SLC38A6: variants seen among roughly 807,000 people sequenced by gnomAD.
SLC38A6 encodes N system amino acid transporter NAT-1.
A neutral mutation model predicts 65.0 loss-of-function variants in SLC38A6; 73 were observed. The ratio of observed to expected loss-of-function variants is 1.12; its 90% CI spans 0.93 to 1.37. The LOEUF (loss-of-function observed/expected upper bound fraction) is 1.37. Ranked by LOEUF, SLC38A6 falls within the 40% of genes most tolerant of loss-of-function variation. SLC38A6 has a pLI of 0.00. For missense variants in SLC38A6, 561 were observed against 531.1 expected, an observed-to-expected ratio of 1.06 and a Z score of -0.55; for synonymous variants, 183 against 178.8, an observed-to-expected ratio of 1.02 and a Z score of -0.19.
At chr14:61,048,808 A>G (rs2042323850) in intron 12 of SLC38A6, among the ~76,000 whole-genome samples, 1 of 152,186 alleles carries the variant, frequency 6.6e-6, no homozygotes, top group African/African-American at 2.4e-5. Context: ...CAAATGTTGC[A>G]TAATAACCAG....
intron 8 of SLC38A6, among the ~76,000 whole-genome samples, chr14:61,038,422 A>T (rs1260146614): frequency 6.6e-6 from 1 of 152,136 alleles, no homozygotes; most frequent in Non-Finnish European, 1.5e-5. Flanking sequence ...AGTTTATTCC[A>T]TAATCAGTAT....
chr14:61,043,113 A>G, intron 8 of SLC38A6, 34 bp from the exon 9 acceptor site: 1 of 1,305,446 alleles, frequency 7.7e-7, no homozygotes, highest in East Asian at 2.4e-5. Context: ...TTTATAAGAA[A>G]TGATCTGAGT....
intron 3 of SLC38A6, among the ~76,000 whole-genome samples, chr14:61,015,398 C>G (rs1361006852): frequency 2.6e-5 from 4 of 152,146 alleles, no homozygotes; most frequent in Admixed American, 6.5e-5. Context: ...CCTGCACCCA[C>G]TGTCCAACAC....
chr14:61,010,208 C>G (rs562877827), intron 3 of SLC38A6, among the ~76,000 whole-genome samples: 3 of 152,100 alleles, frequency 2.0e-5, no homozygotes, highest in Admixed American at 6.6e-5. Context: ...TCATATCCTT[C>G]GCCCACTTGT....
At chr14:61,073,099 T>C (rs531066957) in intron 15 of SLC38A6, among the ~76,000 whole-genome samples, 1 of 152,352 alleles carries the variant, frequency 6.6e-6, no homozygotes, top group South Asian at 2.1e-4. Context: ...TGAGATGATA[T>C]GGCAATTTTG....
chr14:61,072,668 A>T lies in SLC38A6; in HGVS notation c.1291-6142A>T, dbSNP rs35491754. 6.0e-3 allele frequency among the ~76,000 whole-genome samples: 913 copies of T among 152,298 alleles called. 4 individuals carry two copies. Among genetic ancestry groups the T allele is most frequent in the Non-Finnish European group, 0.01 (684 of 68,034 alleles). ...TGTCTGGTTTATTTCACTTAACATA[A>T]TGGTCTCCAGTTCCATCCATGTTGT... On this transcript the variant is annotated intron_variant, in intron 15 of 16. Transcript: ENST00000354886.
In SLC38A6 at chr14:60,981,247, A is replaced by G. The variant is rs776444642; in HGVS notation, c.-31A>G. 1.4e-5 allele frequency: 22 copies of G among 1,573,610 alleles called. No individual in the cohort carries two copies. Among genetic ancestry groups the G allele is most frequent in the Non-Finnish European group, 1.9e-5 (22 of 1,159,474 alleles). ...GCGCAGGGCAGGGGTAGAGGCTCGT[A>G]GATGGAACTGGTAGTCAGCTGGAGA... is the stretch of plus-strand genomic sequence containing the variant. On this transcript the variant is annotated 5_prime_UTR_variant, in exon 1 of 16. Coordinates refer to ENST00000267488, the MANE Select transcript of SLC38A6 (RefSeq NM_153811.3).
chr14:60,997,481 C>T (rs971785267), intron 3 of SLC38A6, among the ~76,000 whole-genome samples: 4 of 152,162 alleles, frequency 2.6e-5, no homozygotes, highest in South Asian at 2.1e-4. Flanking sequence ...GCACAGTCCT[C>T]GCTCCAGGTC....
intron 13 of SLC38A6, among the ~76,000 whole-genome samples, chr14:61,051,583 A>G (rs1293032726): frequency 2.6e-5 from 4 of 152,148 alleles, no homozygotes; most frequent in Non-Finnish European, 5.9e-5. Flanking sequence ...AAAGCTAAGT[A>G]TTTTTATGAA....
At chr14:60,993,276 G>T (rs1456802288) in intron 3 of SLC38A6, among the ~76,000 whole-genome samples, 3 of 152,186 alleles carry the variant, frequency 2.0e-5, no homozygotes, top group Non-Finnish European at 4.4e-5. Flanking sequence ...GAGGCACTGA[G>T]TGATTAACTA....
intron 13 of SLC38A6, among the ~76,000 whole-genome samples, 179 bp downstream of exon 13, chr14:61,050,815 A>G (rs1361248565): frequency 6.6e-6 from 1 of 152,200 alleles, no homozygotes; most frequent in African/African-American, 2.4e-5. Context: ...TAAAAATAAC[A>G]GTGAGCCACT....
At chr14:61,080,107 A>G (rs2043585662) in intron 16 of SLC38A6, among the ~76,000 whole-genome samples, 1 of 152,230 alleles carries the variant, frequency 6.6e-6, no homozygotes, top group Admixed American at 6.5e-5. Flanking sequence ...TTAAAAGGCA[A>G]TAACAACAAC....
At chr14:61,083,624 T>C (rs1359988183) in exon 17 of SLC38A6, 2 of 1,550,498 alleles carry the variant, frequency 1.3e-6, no homozygotes, top group South Asian at 1.2e-5. Flanking sequence ...GGCAACTGTT[T>C]ACAAGCCAAG....
intron 5 of SLC38A6, among the ~76,000 whole-genome samples, chr14:61,023,210 T>C (rs755058660): frequency 6.6e-6 from 1 of 152,196 alleles, no homozygotes; most frequent in Non-Finnish European, 1.5e-5. Context: ...TTTAGAATTA[T>C]ATAAAAATTT....
downstream of SLC38A6, among the ~76,000 whole-genome samples, chr14:61,054,049 T>C (rs1421941214): frequency 6.6e-6 from 1 of 152,196 alleles, no homozygotes; most frequent in Non-Finnish European, 1.5e-5. Context: ...TTGATTTTTA[T>C]ATATGGTATA....
At chr14:61,015,177 G>A (rs1300115795) in intron 3 of SLC38A6, among the ~76,000 whole-genome samples, 5 of 152,198 alleles carry the variant, frequency 3.3e-5, no homozygotes, top group Non-Finnish European at 5.9e-5. Context: ...AGGACCCTCC[G>A]AGCCAGGTGC....
chr14:61,052,033 C>T lies in SLC38A6; in HGVS notation c.1196-8C>T. ...ATATCCTCTCTTTTTTTTCCCTCCACTTTAAAGGTGCCAGTACATCAACAT... is the reference window on the plus strand; with the variant it reads ...ATATCCTCTCTTTTTTTTCCCTCCATTTTAAAGGTGCCAGTACATCAACAT... On this transcript the variant is annotated splice_region_variant and splice_polypyrimidine_tract_variant and intron_variant, in intron 14 of 15. Transcript: ENST00000267488. The T allele has an allele frequency of 6.2e-7, 1 of 1,600,780 alleles. No individual in the cohort carries two copies. Among genetic ancestry groups the T allele is most frequent in the Non-Finnish European group, 8.5e-7 (1 of 1,175,332 alleles).
chr14:61,027,380 A>G (rs1350126495), intron 5 of SLC38A6, among the ~76,000 whole-genome samples: 1 of 152,124 alleles, frequency 6.6e-6, no homozygotes, highest in African/African-American at 2.4e-5. Context: ...TTTAGAGTAG[A>G]ACATGGTGTG....
At chr14:61,063,527 A>G (rs1386699654) in intron 15 of SLC38A6, among the ~76,000 whole-genome samples, 2 of 152,180 alleles carry the variant, frequency 1.3e-5, no homozygotes, top group East Asian at 3.8e-4. Flanking sequence ...AAATTCTACT[A>G]AAGCCAGGGT....
Sources: allele counts gnomAD v4.1 joint callset (sites outside exome capture counted in the v4.1 genomes callset), GRCh38; gene constraint gnomAD v4.1.1; transcripts MANE v1.5; gene names NCBI Gene and HGNC (gene_info 2026-07-23, HGNC 2026-07-21).